The following PPFIBP1 variants were observed in gnomAD, a reference collection of about 807,000 sequenced individuals.
PPFIBP1 encodes the protein PPFIB scaffold protein 1, also known as liprin-beta-1.
In PPFIBP1, 112 loss-of-function variants were observed where a neutral mutation model predicts 137.8. That is an observed-to-expected ratio of 0.81 (90% CI 0.70 to 0.95). The LOEUF is 0.95. Among genes scored for constraint, PPFIBP1 ranks in the 40% least tolerant of loss-of-function variants. PPFIBP1 has a pLI of 0.00. For missense variants in PPFIBP1, 1,083 were observed against 1,196.6 expected, an observed-to-expected ratio of 0.91 and a Z score of 1.40; for synonymous variants, 378 against 417.3, an observed-to-expected ratio of 0.91 and a Z score of 1.15.
intron 12 of PPFIBP1, 37 bp from the exon 13 acceptor site, chr12:27,667,129 G>A (rs754898105): frequency 6.8e-7 from 1 of 1,474,480 alleles, no homozygotes; most frequent in Non-Finnish European, 9.0e-7. Context: ...TAAATCAAAA[G>A]CTGCTGTTGT....
chr12:27,688,321 T>A lies in PPFIBP1; in HGVS notation c.2394T>A (p.Val798=). Residue 798 remains valine, a synonymous_variant, in exon 26 of 30, where the codon GTT becomes GTA. Coordinates refer to ENST00000228425, the MANE Select transcript of PPFIBP1 (RefSeq NM_003622.4). ...AGAATACCATCGCCCCATCAGAAGT[T>A]CAGAAGTGGACTAACCATCGAGTGA... ...SDENTIAPSE[V]QKWTNHRVME... 3.1e-6 allele frequency: 5 copies of A among 1,614,026 alleles called. No individual in the cohort carries two copies. The highest frequency in any genetic ancestry group is 4.2e-6 in the Non-Finnish European group (5 of 1,179,962).
intron 10 of PPFIBP1, among the ~76,000 whole-genome samples, 182 bp downstream of exon 10, chr12:27,659,030 A>G (rs1372420396): frequency 1.3e-5 from 2 of 152,200 alleles, no homozygotes; most frequent in African/African-American, 4.8e-5. Context: ...AAGGTAAAAG[A>G]TTATTTTGAA....
chr12:27,541,040 A>T (rs1406818730), intron 1 of PPFIBP1, among the ~76,000 whole-genome samples: 1 of 151,964 alleles, frequency 6.6e-6, no homozygotes, highest in Non-Finnish European at 1.5e-5. Context: ...TAATCTATTG[A>T]TTGTCTTTTG....
At position 27,692,876 on chromosome 12, in the gene PPFIBP1, C is replaced by T. The variant is rs55923847; in HGVS notation, c.3012C>T (p.Asn1004=). ...CCAGCATTACAGATGAAGACTCAAACGTTTGACCGTAGCACCTGGATGAAC... is the reference window on the plus strand; with the variant it reads ...CCAGCATTACAGATGAAGACTCAAATGTTTGACCGTAGCACCTGGATGAAC... ...PSASITDEDS[N]V is the part of the protein sequence containing the mutation. The change falls in exon 30 of 30, where the codon AAC becomes AAT. Residue 1004 remains asparagine (N), a synonymous_variant. Transcript: ENST00000228425. 1.3e-4 allele frequency: 217 copies of T among 1,614,106 alleles called. No homozygotes were observed. Among genetic ancestry groups the T allele is most frequent in the Non-Finnish European group, 1.7e-4 (205 of 1,180,000 alleles).
At chr12:27,570,403 G>A (rs182062416) in intron 1 of PPFIBP1, among the ~76,000 whole-genome samples, 2 of 152,240 alleles carry the variant, frequency 1.3e-5, no homozygotes, top group African/African-American at 4.8e-5. Context: ...TTGTGGACAT[G>A]GGGTATTAAA....
chr12:27,559,293 T>C (rs2048968264), intron 1 of PPFIBP1, among the ~76,000 whole-genome samples: 1 of 152,132 alleles, frequency 6.6e-6, no homozygotes, highest in South Asian at 2.1e-4. Flanking sequence ...CTCAGCCTGC[T>C]GAGTAGCTGG....
chr12:27,681,702 T>C lies in PPFIBP1; in HGVS notation c.2046+6T>C, dbSNP rs761859188. 1.9e-6 allele frequency: 3 copies of C among 1,613,662 alleles called. No individual in the cohort carries two copies. Among genetic ancestry groups the C allele is most frequent in the Admixed American group, 1.7e-5 (1 of 60,022 alleles). Reference sequence around the variant, plus strand: ...CTCAACAAGATCTAGAGAAGGTGACTGCTTCTCTGTTTTGTTCACACAATG... The same window carrying C: ...CTCAACAAGATCTAGAGAAGGTGACCGCTTCTCTGTTTTGTTCACACAATG... On this transcript the variant is annotated splice_donor_region_variant and intron_variant, in intron 22 of 29. Coordinates refer to ENST00000228425, the MANE Select transcript of PPFIBP1 (RefSeq NM_003622.4).
chr12:27,667,219 C>G lies in PPFIBP1; in HGVS notation c.1045C>G (p.Leu349Val), dbSNP rs1009581664. ...LLNSSSISSL[L>V]DAQGFSDLEK... ...CAATTCCAGTTCCATCTCCTCTTTGCTGGATGCACAGGGTTTCAGTGATCT... is the reference window on the plus strand; with the variant it reads ...CAATTCCAGTTCCATCTCCTCTTTGGTGGATGCACAGGGTTTCAGTGATCT... Residue 349 changes from leucine to valine, a missense_variant, in exon 13 of 30, where the codon CTG (leucine) becomes GTG (valine). Physicochemically the swap from Leu to Val is conservative, Grantham distance 32. Transcript: ENST00000228425. 6 of 1,613,144 alleles carry G rather than the reference C, an allele frequency of 3.7e-6. No homozygotes were observed. In the African/African-American group the frequency reaches 8.0e-5, roughly 22 times the overall value.
intron 1 of PPFIBP1, among the ~76,000 whole-genome samples, chr12:27,573,403 T>C (rs2050296649): frequency 6.6e-6 from 1 of 152,156 alleles, no homozygotes; most frequent in Non-Finnish European, 1.5e-5. Context: ...GCCACAAATA[T>C]GGTTTTGAGT....
chr12:27,599,545 CCTTT>C, intron 2 of PPFIBP1: 1 of 454,940 alleles, frequency 2.2e-6, no homozygotes, highest in Non-Finnish European at 4.4e-6. Flanking sequence ...TTCCTTCCTT[CCTTT>C]TTCTTTCATC....
At chr12:27,544,677 G>C (rs1234580888) in intron 1 of PPFIBP1, among the ~76,000 whole-genome samples, 1 of 152,100 alleles carries the variant, frequency 6.6e-6, no homozygotes, top group Non-Finnish European at 1.5e-5. Context: ...AAATGCAAAT[G>C]AAAACCACAA....
chr12:27,606,072 A>G (rs1340530795), intron 2 of PPFIBP1, among the ~76,000 whole-genome samples: 2 of 152,228 alleles, frequency 1.3e-5, no homozygotes, highest in African/African-American at 2.4e-5. Context: ...GCAATTTAAT[A>G]AGAAAGGATT....
intron 2 of PPFIBP1, among the ~76,000 whole-genome samples, chr12:27,632,070 T>G (rs1315760249): frequency 6.6e-6 from 1 of 152,216 alleles, no homozygotes; most frequent in East Asian, 1.9e-4. Context: ...AGTATTTTCA[T>G]GCTGTAGTAT....
At chr12:27,566,455 T>C (rs1214948774) in intron 1 of PPFIBP1, among the ~76,000 whole-genome samples, 3 of 152,196 alleles carry the variant, frequency 2.0e-5, no homozygotes, top group African/African-American at 2.4e-5. Flanking sequence ...TAGACAGAAA[T>C]TGGTAAAAAC....
intron 1 of PPFIBP1, among the ~76,000 whole-genome samples, chr12:27,551,157 G>A (rs565818519): frequency 1.3e-5 from 2 of 152,170 alleles, no homozygotes; most frequent in South Asian, 2.1e-4. Context: ...AAGAGTTCAA[G>A]TTTACTTATA....
chr12:27,601,567 T>C (rs2053996134), intron 2 of PPFIBP1, among the ~76,000 whole-genome samples: 1 of 152,238 alleles, frequency 6.6e-6, no homozygotes, highest in Non-Finnish European at 1.5e-5. Flanking sequence ...TGACAGTCTC[T>C]GAGTTATGTG....
chr12:27,666,092 A>T (rs1329782151), intron 12 of PPFIBP1, among the ~76,000 whole-genome samples: 4 of 135,238 alleles, frequency 3.0e-5, no homozygotes, highest in Non-Finnish European at 4.8e-5. Flanking sequence ...ACTATATCGT[A>T]AAACATTTGG....
intron 11 of PPFIBP1, among the ~76,000 whole-genome samples, chr12:27,662,091 A>T (rs2059589070): frequency 2.0e-5 from 3 of 152,236 alleles, no homozygotes; most frequent in Admixed American, 2.0e-4. Flanking sequence ...CCAGCATAAC[A>T]TAACTTCCTC....
rs2054409975 is a variant in PPFIBP1, at chr12:27,605,282, C to A, written c.-36+27043C>A. Among the ~76,000 whole-genome samples, 6 of 152,110 alleles carry A rather than the reference C, an allele frequency of 3.9e-5. 1 individual carries two copies. The South Asian group carries it at 1.2e-3, about 32-fold the overall frequency. On this transcript the variant is annotated intron_variant, in intron 2 of 29. Transcript: ENST00000228425. ...TATGGGAAAATTAGAAGCTATAAGA[C>A]AAAAGGGGGCAATATTTTTTAAAAC...
Sources: gnomAD v4.1 joint callset for allele counts (sites outside exome capture counted in the v4.1 genomes callset) on GRCh38, gnomAD v4.1.1 for gene constraint, MANE v1.5 for transcripts, NCBI Gene and HGNC (gene_info 2026-07-23, HGNC 2026-07-21) for gene names.